The following COL14A1 variants were observed in gnomAD, a reference collection of about 807,000 sequenced individuals.
COL14A1 encodes the protein collagen type XIV alpha 1 chain, also known as collagen alpha-1(XIV) chain.
In COL14A1, 136 loss-of-function variants were observed where a neutral mutation model predicts 230.3. That is an observed-to-expected ratio of 0.59 (90% confidence interval 0.51 to 0.68). The LOEUF is 0.68. COL14A1 is among the 30% of genes least tolerant of loss of function. COL14A1 has a pLI of 0.00. For synonymous variants in COL14A1, 792 were observed against 784.1 expected (o/e 1.01, Z -0.17); for missense variants, 1,976 against 2,215.8 (o/e 0.89, Z 2.17).
intron 19 of COL14A1, among the ~76,000 whole-genome samples, chr8:120,236,982 G>A (rs1464364545): frequency 6.6e-5 from 10 of 152,228 alleles, no homozygotes; most frequent in African/African-American, 2.4e-4. Context: ...TCTGCAGAGA[G>A]ATCCGCTGTT....
chr8:120,162,106 G>C (rs1246190213), intron 3 of COL14A1, among the ~76,000 whole-genome samples: 2 of 152,074 alleles, frequency 1.3e-5, no homozygotes, highest in Non-Finnish European at 2.9e-5. Flanking sequence ...TTGTGAATTT[G>C]GTTTTCTCTA....
At chr8:120,133,230 TA>T (rs201816439) in intron 1 of COL14A1, among the ~76,000 whole-genome samples, 21,434 of 115,048 alleles carry the variant, frequency 0.19, 1,538 homozygotes, top group South Asian at 0.23. Flanking sequence ...AAAAAAAAAA[TA>T]AAAAAAAAAA....
intron 5 of COL14A1, among the ~76,000 whole-genome samples, chr8:120,169,682 T>C (rs1816036719): frequency 6.6e-6 from 1 of 152,082 alleles, no homozygotes; most frequent in East Asian, 1.9e-4. Context: ...TTTAATACAA[T>C]TAAAAAATTC....
In COL14A1 at chr8:120,244,226, G is replaced by A. The variant is rs1586798833; in HGVS notation, c.2479+218G>A. Among the ~76,000 whole-genome samples, 7 of 152,314 alleles carry A rather than the reference G, an allele frequency of 4.6e-5. No individual in the cohort carries two copies. In the South Asian group the frequency reaches 1.5e-3, roughly 32 times the overall value. ...GGCTGCAGTTTCTTTTTCTGTGGAA[G>A]TGAAGACTTGAAAAACAACTACATC... On this transcript the variant is annotated intron_variant, in intron 20 of 47. Transcript: ENST00000297848.
intron 1 of COL14A1, among the ~76,000 whole-genome samples, chr8:120,132,434 G>A (rs1180885187): frequency 2.0e-5 from 3 of 152,128 alleles, no homozygotes; most frequent in African/African-American, 7.2e-5. Context: ...TTTTGTACCA[G>A]TACCATGCTT....
intron 21 of COL14A1, among the ~76,000 whole-genome samples, chr8:120,249,076 G>A (rs1326758741): frequency 1.5e-4 from 22 of 146,332 alleles, no homozygotes; most frequent in African/African-American, 3.8e-4. Flanking sequence ...ACAGGCGCCC[G>A]CCACCACGCC....
At chr8:120,362,992 C>G (rs1386001746) in intron 45 of COL14A1, among the ~76,000 whole-genome samples, 1 of 152,148 alleles carries the variant, frequency 6.6e-6, no homozygotes, top group Admixed American at 6.5e-5. Flanking sequence ...ATATTCATCT[C>G]TAAAAGGCAC....
At chr8:120,152,015 A>G (rs1354569098) in intron 2 of COL14A1, among the ~76,000 whole-genome samples, 1 of 152,160 alleles carries the variant, frequency 6.6e-6, no homozygotes, top group Non-Finnish European at 1.5e-5. Flanking sequence ...TCTCCCCTAC[A>G]GAAAGAAATT....
Position 120,332,499 on chromosome 8 carries a change from A to T in COL14A1, c.4714-165A>T, listed in dbSNP as rs375467847. Among the ~76,000 whole-genome samples the T allele has an allele frequency of 8.8e-4, 134 of 152,358 alleles. 1 individual carries two copies. Among genetic ancestry groups the T allele is most frequent in the African/African-American group, 3.1e-3 (128 of 41,578 alleles). On this transcript the variant is annotated intron_variant, in intron 41 of 47. Coordinates refer to ENST00000297848, the MANE Select transcript of COL14A1 (RefSeq NM_021110.4). Reference sequence around the variant, plus strand: ...ATATATAGTGAGGAGACTAAAAAAAAGTCTTCCCTCCGTTTTTGGGAGTTG... The same window carrying T: ...ATATATAGTGAGGAGACTAAAAAAATGTCTTCCCTCCGTTTTTGGGAGTTG...
intron 4 of COL14A1, among the ~76,000 whole-genome samples, chr8:120,167,570 G>A (rs1048702296): frequency 6.6e-6 from 1 of 152,058 alleles, no homozygotes; most frequent in Admixed American, 6.6e-5. Flanking sequence ...AAGGCCAAGG[G>A]GCATTTTTTG....
chr8:120,218,949 A>G (rs1275173849), intron 14 of COL14A1, among the ~76,000 whole-genome samples: 2 of 152,054 alleles, frequency 1.3e-5, no homozygotes, highest in Non-Finnish European at 1.5e-5. Flanking sequence ...TTCCCCAATA[A>G]ATATTTGTTC....
intron 2 of COL14A1, among the ~76,000 whole-genome samples, chr8:120,149,479 C>T (rs1488942540): frequency 6.6e-6 from 1 of 152,140 alleles, no homozygotes; most frequent in East Asian, 1.9e-4. Context: ...AATTCTAGAT[C>T]ACTTATCTTC....
chr8:120,337,345 G>A (rs1293946051), intron 42 of COL14A1, among the ~76,000 whole-genome samples: 1 of 146,516 alleles, frequency 6.8e-6, no homozygotes, highest in African/African-American at 2.5e-5. Flanking sequence ...GCAGTGAGCC[G>A]AGATCATACC....
intron 13 of COL14A1, chr8:120,213,947 T>C: frequency 2.3e-6 from 1 of 428,350 alleles, no homozygotes; most frequent in South Asian, 1.7e-5. Context: ...CCTTAATTAT[T>C]AAGAGATTCA....
chr8:120,205,099 AT>A (rs140408352), intron 9 of COL14A1, among the ~76,000 whole-genome samples: 13 of 150,318 alleles, frequency 8.6e-5, no homozygotes, highest in South Asian at 2.1e-4. Context: ...GTGTGGCCAC[AT>A]TTTTTTTTTC....
chr8:120,280,621 T>C (rs1416532793), intron 29 of COL14A1, 90 bp from the exon 30 acceptor site: 15 of 1,182,038 alleles, frequency 1.3e-5, no homozygotes, highest in African/African-American at 7.6e-5. Context: ...TCTGGAAAGA[T>C]TGTATTAGTT....
intron 5 of COL14A1, among the ~76,000 whole-genome samples, chr8:120,172,145 T>TTTTG (rs61273777): frequency 0.28 from 42,631 of 151,238 alleles, 7,088 homozygotes; most frequent in African/African-American, 0.47. Context: ...GGTTAAATTC[T>TTTTG]TTTGTTTGTT....
At chr8:120,124,959 C>G (rs1182924690), upstream of COL14A1, 1 of 152,362 alleles carries the variant, frequency 6.6e-6, no homozygotes. Context: ...GGCTTCTCCA[C>G]ATCTCCGGTA....
intron 45 of COL14A1, among the ~76,000 whole-genome samples, chr8:120,358,249 C>A (rs1038965620): frequency 6.6e-6 from 1 of 152,144 alleles, no homozygotes; most frequent in East Asian, 1.9e-4. Flanking sequence ...ACATGTCATT[C>A]AATACCCAGA....
Sources: gnomAD v4.1 joint callset for allele counts (sites outside exome capture counted in the v4.1 genomes callset) on GRCh38, gnomAD v4.1.1 for gene constraint, MANE v1.5 for transcripts, NCBI Gene and HGNC (gene_info 2026-07-23, HGNC 2026-07-21) for gene names.